CRIM1: variants seen among roughly 807,000 people sequenced by gnomAD.
The protein encoded by CRIM1 is cysteine rich transmembrane BMP regulator 1.
In CRIM1, 32 loss-of-function variants were observed where a neutral mutation model predicts 116.4. That is an observed-to-expected ratio of 0.27 (90% CI 0.21 to 0.37). The LOEUF is 0.37. Among genes scored for constraint, CRIM1 ranks in the 10% least tolerant of loss-of-function variants. The probability of loss-of-function intolerance (pLI) is 1.00; values close to 1 mark genes in which losing one functional copy is unlikely to be tolerated. For missense variants in CRIM1, 1,331 were observed against 1,354.8 expected, an observed-to-expected ratio of 0.98 and a Z score of 0.28; for synonymous variants, 590 against 509.2, an observed-to-expected ratio of 1.16 and a Z score of -2.13.
intron 7 of CRIM1, among the ~76,000 whole-genome samples, chr2:36,492,247 A>C (rs4670562): frequency 0.29 from 44,476 of 152,062 alleles, 6,814 homozygotes; most frequent in South Asian, 0.41. Flanking sequence ...TTTTAAAATA[A>C]AATAAACTGC....
At chr2:36,441,793 G>T (rs570943537) in intron 3 of CRIM1, among the ~76,000 whole-genome samples, 176 of 152,158 alleles carry the variant, frequency 1.2e-3, no homozygotes, top group African/African-American at 4.0e-3. Flanking sequence ...TAAAATTTAT[G>T]GTACTATGGC....
chr2:36,358,058 G>C (rs1668972523), intron 1 of CRIM1, among the ~76,000 whole-genome samples: 1 of 152,182 alleles, frequency 6.6e-6, no homozygotes, highest in African/African-American at 2.4e-5. Flanking sequence ...CTAGTGGGCA[G>C]TGATGAGTGA....
chr2:36,365,037 G>A (rs775250830), intron 1 of CRIM1, among the ~76,000 whole-genome samples: 2 of 152,094 alleles, frequency 1.3e-5, no homozygotes, highest in Admixed American at 6.5e-5. Flanking sequence ...AAAGGGGTGG[G>A]AGTTTCGAGG....
Position 36,479,496 on chromosome 2 carries a change from G to T in CRIM1, c.1175-1G>T. On this transcript the variant is annotated splice_acceptor_variant, in intron 6 of 16. Coordinates refer to ENST00000280527, the MANE Select transcript of CRIM1 (RefSeq NM_016441.3). LOFTEE classifies it high-confidence loss of function. ...AACTCTGAACTCATGTTCTCATTTA[G>T]ATCCAGTGTATCCTTTTAATAATCC... 1 of 1,614,062 alleles carries T rather than the reference G, an allele frequency of 6.2e-7. No individual in the cohort carries two copies. The highest frequency in any genetic ancestry group is 1.1e-5 in the South Asian group (1 of 91,060).
chr2:36,510,205 T>C (rs1664557774), intron 9 of CRIM1, 66 bp downstream of exon 9: 1 of 1,474,160 alleles, frequency 6.8e-7, no homozygotes, highest in Non-Finnish European at 9.3e-7. Flanking sequence ...TCTACACATT[T>C]TGTTTTATAT....
intron 8 of CRIM1, among the ~76,000 whole-genome samples, chr2:36,499,832 AAAAAT>A (rs1680862285): frequency 6.6e-6 from 1 of 152,188 alleles, no homozygotes; most frequent in Admixed American, 6.5e-5. Flanking sequence ...TCTTCCAGAA[AAAAAT>A]AAAATAATAC....
intron 2 of CRIM1, among the ~76,000 whole-genome samples, chr2:36,435,480 ATCT>A (rs1223028186): frequency 6.6e-6 from 1 of 151,866 alleles, no homozygotes; most frequent in African/African-American, 2.4e-5. Flanking sequence ...TGTAATTTTT[ATCT>A]TCTTTTTTTT....
rs541005636 is a variant in CRIM1 at position 36,450,659 on chromosome 2, A to G, written c.869+7924A>G. ...TCACAGCTCCAAACTCTGTAACTCC[A>G]GGAAAGGAAATAAGATAAAAGGAAG... On this transcript the variant is annotated intron_variant, in intron 4 of 16. Transcript: ENST00000280527. 3.3e-5 allele frequency among the ~76,000 whole-genome samples: 5 copies of G among 152,322 alleles called. No homozygotes were observed. The East Asian group carries it at 9.6e-4, about 29-fold the overall frequency.
At chr2:36,406,579 C>CT (rs1367069401) in intron 2 of CRIM1, among the ~76,000 whole-genome samples, 2 of 150,768 alleles carry the variant, frequency 1.3e-5, no homozygotes, top group Non-Finnish European at 2.9e-5. Flanking sequence ...GTGTTTTAAA[C>CT]TTGATAAGTC....
At chr2:36,537,209 T>C (rs963091503) in intron 13 of CRIM1, 143 bp from the exon 14 acceptor site, 6 of 770,456 alleles carry the variant, frequency 7.8e-6, no homozygotes, top group African/African-American at 3.5e-5. Context: ...AATGAAAGAC[T>C]AGGGAAACAA....
intron 4 of CRIM1, among the ~76,000 whole-genome samples, chr2:36,445,416 T>C (rs922198874): frequency 5.3e-5 from 8 of 152,212 alleles, no homozygotes; most frequent in African/African-American, 1.4e-4. Flanking sequence ...TAATTTCTCC[T>C]CTGTCCACGT....
intron 1 of CRIM1, among the ~76,000 whole-genome samples, chr2:36,374,788 A>G (rs1269746505): frequency 1.3e-5 from 2 of 152,096 alleles, no homozygotes; most frequent in Non-Finnish European, 2.9e-5. Context: ...ATCTCTTCTT[A>G]CTAAGCATCT....
intron 2 of CRIM1, among the ~76,000 whole-genome samples, chr2:36,397,875 G>C (rs1237308249): frequency 6.6e-6 from 1 of 152,148 alleles, no homozygotes; most frequent in Non-Finnish European, 1.5e-5. Flanking sequence ...AGAACATTTA[G>C]TCCAGTCCTT....
intron 13 of CRIM1, among the ~76,000 whole-genome samples, chr2:36,528,432 A>G (rs528022651): frequency 6.6e-6 from 1 of 152,112 alleles, no homozygotes; most frequent in Non-Finnish European, 1.5e-5. Flanking sequence ...CACAAACCAC[A>G]CTGTTCTTTC....
rs753663303 is a variant in CRIM1 at position 36,504,907 on chromosome 2, C to T, written c.1502-5076C>T. Among the ~76,000 whole-genome samples, 3 of 152,160 alleles carry T rather than the reference C, an allele frequency of 2.0e-5. No homozygotes were observed. The East Asian group carries it at 5.8e-4, about 29-fold the overall frequency. Reference sequence around the variant, plus strand: ...GATCAGATTATTTGTAAGTTCTCTTCCAATTTTAACATTCTTTAATTGTAG... The same window carrying T: ...GATCAGATTATTTGTAAGTTCTCTTTCAATTTTAACATTCTTTAATTGTAG... On this transcript the variant is annotated intron_variant, in intron 8 of 16. Transcript: ENST00000280527.
chr2:36,485,616 C>A (rs1352290597), intron 7 of CRIM1, among the ~76,000 whole-genome samples: 2 of 152,132 alleles, frequency 1.3e-5, no homozygotes, highest in Non-Finnish European at 2.9e-5. Flanking sequence ...GCCCATAATG[C>A]TTCCTCACTG....
intron 1 of CRIM1, among the ~76,000 whole-genome samples, chr2:36,395,817 T>C (rs1161299611): frequency 6.6e-6 from 1 of 152,190 alleles, no homozygotes; most frequent in East Asian, 1.9e-4. Context: ...GGGGATCCCC[T>C]CCATTGTAAC....
At position 36,361,342 on chromosome 2, in the gene CRIM1, G is replaced by A. The variant is rs181975619; in HGVS notation, c.331+4719G>A. Among the ~76,000 whole-genome samples the A allele has an allele frequency of 3.0e-3, 450 of 152,298 alleles. 3 individuals carry two copies. The highest frequency in any genetic ancestry group is 5.0e-3 in the Non-Finnish European group (338 of 68,038). On this transcript the variant is annotated intron_variant, in intron 1 of 16. Transcript: ENST00000280527. ...ATTAATATATGAAGAAAACTGAACA[G>A]TCCTTAATCTGTGTAGGCATTACAT...
chr2:36,358,885 C>T (rs1390871774), intron 1 of CRIM1, among the ~76,000 whole-genome samples: 1 of 152,068 alleles, frequency 6.6e-6, no homozygotes, highest in Non-Finnish European at 1.5e-5. Context: ...TATTTTCAAT[C>T]GTGTGTTTAC....
Sources: gnomAD v4.1 joint callset for allele counts (sites outside exome capture counted in the v4.1 genomes callset) on GRCh38, gnomAD v4.1.1 for gene constraint, MANE v1.5 for transcripts, NCBI Gene and HGNC (gene_info 2026-07-23, HGNC 2026-07-21) for gene names.